Variants in GLB1 observed in about 807,000 individuals in gnomAD.
GLB1 encodes the protein galactosidase beta 1.
In GLB1, 56 loss-of-function variants were observed where a neutral mutation model predicts 74.0. The ratio of observed to expected loss-of-function variants is 0.76; its 90% CI spans 0.61 to 0.94. The LOEUF is 0.94. Among genes scored for constraint, GLB1 ranks in the 40% least tolerant of loss-of-function variants. The pLI is 0.00. For missense variants in GLB1, 787 were observed against 845.5 expected (o/e 0.93, Z 0.86); for synonymous variants, 323 against 323.6 (o/e 1.00, Z 0.02).
chr3:32,968,160 C>T, the GLB1 span, among the ~76,000 whole-genome samples: 1 of 152,116 alleles, frequency 6.6e-6, no homozygotes, highest in African/African-American at 2.4e-5. Flanking sequence ...AGCAGCAGCC[C>T]TTACGGGAAG....
chr3:33,082,860 G>C (rs550560698), intron 1 of GLB1, among the ~76,000 whole-genome samples: 2 of 152,074 alleles, frequency 1.3e-5, no homozygotes, highest in African/African-American at 4.8e-5. Flanking sequence ...GGAGAGCAGG[G>C]GACATGTCTC....
At chr3:32,964,118 C>T in the GLB1 span, among the ~76,000 whole-genome samples, 3 of 152,144 alleles carry the variant, frequency 2.0e-5, no homozygotes, top group African/African-American at 7.2e-5. Flanking sequence ...TGTTTGAATT[C>T]TTTTGATCAT....
chr3:33,018,697 T>C, intron 12 of GLB1, 136 bp from the exon 13 acceptor site: 1 of 935,242 alleles, frequency 1.1e-6, no homozygotes, highest in Non-Finnish European at 1.6e-6. Context: ...CCCGAAAAAA[T>C]TAAATTTGAA....
At chr3:33,005,195 G>A (rs1265713488) in intron 15 of GLB1, among the ~76,000 whole-genome samples, 1 of 152,038 alleles carries the variant, frequency 6.6e-6, no homozygotes, top group Non-Finnish European at 1.5e-5. Context: ...AAACCCAGGT[G>A]GGATTGAAAG....
chr3:33,091,461 C>A, intron 1 of GLB1: 2 of 985,538 alleles, frequency 2.0e-6, no homozygotes, highest in East Asian at 2.3e-4. Context: ...CACTCACATT[C>A]CCCAGGACTG....
intron 1 of GLB1, 91 bp downstream of exon 1, chr3:33,096,920 G>A (rs2125591309): frequency 6.5e-7 from 1 of 1,538,788 alleles, no homozygotes; most frequent in Non-Finnish European, 8.7e-7. Flanking sequence ...TCCCCGCCCT[G>A]CGGGACCGCG....
chr3:32,998,501 A>T (rs1011789474), intron 15 of GLB1, among the ~76,000 whole-genome samples: 2 of 151,344 alleles, frequency 1.3e-5, no homozygotes, highest in African/African-American at 4.9e-5. Flanking sequence ...TGACAGAGCA[A>T]GACTCCGTCT....
At chr3:32,986,747 C>T in the GLB1 span, among the ~76,000 whole-genome samples, 1 of 152,070 alleles carries the variant, frequency 6.6e-6, no homozygotes, top group Admixed American at 6.6e-5. Context: ...TGTGCCACCA[C>T]ACCCAGCTAA....
chr3:33,066,164 G>A (rs896794250), intron 4 of GLB1, among the ~76,000 whole-genome samples: 10 of 152,070 alleles, frequency 6.6e-5, no homozygotes, highest in Admixed American at 6.6e-4. Flanking sequence ...CAGTGTGCCT[G>A]TATCCATCTG....
At chr3:33,065,832 T>G (rs564315936) in intron 4 of GLB1, among the ~76,000 whole-genome samples, 10 of 152,106 alleles carry the variant, frequency 6.6e-5, no homozygotes, top group African/African-American at 2.4e-4. Flanking sequence ...CCAGGCTTGG[T>G]GGCGCATGCC....
At chr3:33,021,523 T>C (rs1697481729) in intron 12 of GLB1, 43 bp downstream of exon 12, 1 of 1,598,530 alleles carries the variant, frequency 6.3e-7, no homozygotes, top group Admixed American at 1.7e-5. Flanking sequence ...AAGCACACTT[T>C]TGCAAGTAGA....
At chr3:33,009,781 C>T (rs1696946635) in intron 15 of GLB1, among the ~76,000 whole-genome samples, 1 of 152,242 alleles carries the variant, frequency 6.6e-6, no homozygotes, top group Non-Finnish European at 1.5e-5. Flanking sequence ...TCCATTCCCA[C>T]CCTCAGCCCT....
chr3:33,067,889 T>G (rs1396280423), intron 4 of GLB1, among the ~76,000 whole-genome samples: 1 of 152,104 alleles, frequency 6.6e-6, no homozygotes, highest in Non-Finnish European at 1.5e-5. Flanking sequence ...GCTTTTTTGT[T>G]TGTTTGTTTG....
At chr3:32,978,986 T>A in the GLB1 span, among the ~76,000 whole-genome samples, 1 of 150,610 alleles carries the variant, frequency 6.6e-6, no homozygotes, top group Admixed American at 6.6e-5. Flanking sequence ...TTTCTTTTTT[T>A]TTTTTCTGAG....
chr3:33,073,790 C>T (rs1699980478), intron 1 of GLB1, among the ~76,000 whole-genome samples: 1 of 152,118 alleles, frequency 6.6e-6, no homozygotes, highest in African/African-American at 2.4e-5. Flanking sequence ...TGGAGGATCA[C>T]TTGAGCTAAG....
chr3:32,985,715 A>G, the GLB1 span, among the ~76,000 whole-genome samples: 9 of 146,032 alleles, frequency 6.2e-5, no homozygotes, highest in Non-Finnish European at 9.1e-5. Flanking sequence ...CTGTCTATAT[A>G]TATTTTTTGA....
At chr3:33,031,652 T>A (rs1445965130) in intron 10 of GLB1, among the ~76,000 whole-genome samples, 77 of 107,766 alleles carry the variant, frequency 7.1e-4, no homozygotes, top group African/African-American at 1.6e-3. Context: ...TATATATATA[T>A]ATATATATAT....
chr3:33,022,749 G>A (rs1424132159), intron 11 of GLB1, among the ~76,000 whole-genome samples: 2 of 151,382 alleles, frequency 1.3e-5, no homozygotes, highest in East Asian at 1.9e-4. Flanking sequence ...TAGTAGAGAC[G>A]GGGTTTCACC....
Position 33,072,591 on chromosome 3 carries a change from C to T in GLB1, c.198G>A (p.Lys66=). ...HYSRVPRFYW[K]DRLLKMKMAG... ...CCATCTTCATCTTCAGCAGCCGGTC[C>T]TTCCAGTAGAAGCGGGGCACACGGG... is the stretch of plus-strand genomic sequence containing the variant. Residue 66 remains lysine (K), a synonymous_variant, in exon 2 of 16, where the codon AAG becomes AAA. Coordinates refer to ENST00000307363, the MANE Select transcript of GLB1 (RefSeq NM_000404.4). 1 of 1,614,026 alleles carries T rather than the reference C, an allele frequency of 6.2e-7. No individual in the cohort carries two copies. Among genetic ancestry groups the T allele is most frequent in the East Asian group, 2.2e-5 (1 of 44,878 alleles).
Sources: gnomAD v4.1 joint callset for allele counts (sites outside exome capture counted in the v4.1 genomes callset) on GRCh38, gnomAD v4.1.1 for gene constraint, MANE v1.5 for transcripts, NCBI Gene and HGNC (gene_info 2026-07-23, HGNC 2026-07-21) for gene names.